Variants in ATP6V0A4 observed in about 807,000 individuals in gnomAD.
ATP6V0A4 encodes the protein ATPase H+ transporting V0 subunit a4, also known as V-type proton ATPase 116 kDa subunit a 4.
Under a neutral mutation model 107.3 loss-of-function variants are expected in ATP6V0A4, and 86 were observed. The ratio of observed to expected loss-of-function variants is 0.80; its 90% CI spans 0.67 to 0.96. The LOEUF is 0.96. ATP6V0A4 is among the 40% of genes least tolerant of loss of function. ATP6V0A4 has a pLI of 0.00. For missense variants in ATP6V0A4, 908 were observed against 1,045.6 expected (o/e 0.87, Z 1.81); for synonymous variants, 353 against 381.4 (o/e 0.93, Z 0.87).
intron 18 of ATP6V0A4, among the ~76,000 whole-genome samples, chr7:138,723,938 G>A (rs1339333031): frequency 2.0e-5 from 3 of 150,514 alleles, no homozygotes; most frequent in African/African-American, 7.4e-5. Context: ...TATACATCAA[G>A]CCAACAAATT....
intron 1 of ATP6V0A4, among the ~76,000 whole-genome samples, chr7:138,788,601 C>G (rs1808266829): frequency 1.3e-5 from 2 of 152,202 alleles, no homozygotes; most frequent in Non-Finnish European, 2.9e-5. Context: ...TAATATCCTA[C>G]TTTCCTTATA....
At chr7:138,794,553 C>T (rs1379444326) in intron 1 of ATP6V0A4, among the ~76,000 whole-genome samples, 1 of 152,150 alleles carries the variant, frequency 6.6e-6, no homozygotes. Flanking sequence ...GAATCCCACT[C>T]TCTTGGCTAC....
chr7:138,751,642 G>A (rs891727274), intron 11 of ATP6V0A4, among the ~76,000 whole-genome samples: 5 of 151,856 alleles, frequency 3.3e-5, no homozygotes, highest in Non-Finnish European at 7.4e-5. Context: ...CAGTGTGTAA[G>A]CCCTAGATCC....
At chr7:138,716,004 G>A (rs1418371148) in intron 19 of ATP6V0A4, 123 bp from the exon 20 acceptor site, 7 of 1,337,976 alleles carry the variant, frequency 5.2e-6, no homozygotes, top group African/African-American at 1.5e-5. Context: ...CTAACTAGGG[G>A]AAAAGAAATA....
intron 1 of ATP6V0A4, among the ~76,000 whole-genome samples, chr7:138,790,824 T>C (rs1808376975): frequency 6.6e-6 from 1 of 152,222 alleles, no homozygotes; most frequent in South Asian, 2.1e-4. Context: ...AATGACATGA[T>C]AGCAGATTTG....
chr7:138,795,416 G>T (rs1315641960), intron 1 of ATP6V0A4, among the ~76,000 whole-genome samples: 1 of 152,128 alleles, frequency 6.6e-6, no homozygotes, highest in Non-Finnish European at 1.5e-5. Flanking sequence ...TTAGGCTGCA[G>T]ATGCTGTTCA....
Position 138,739,767 on chromosome 7 carries a change from T to C in ATP6V0A4, c.1479-134A>G, listed in dbSNP as rs75954102. 1,286 of 1,430,372 alleles carry C rather than the reference T, an allele frequency of 9.0e-4. 11 individuals carry two copies. In the African/African-American group the frequency reaches 0.016, roughly 18 times the overall value. The allele number at this position is 1,430,372 out of a possible 1,614,324, so 88.6% of individuals were successfully genotyped here. A position where few individuals can be genotyped will look rare whatever the true frequency, so the allele number is the denominator to read the frequency against. ...ATTCATCACTTTGGTTGGTTCAATA[T>C]CTACTACACATCAAGTATTGTCCTA... is the stretch of plus-strand genomic sequence containing the variant. On this transcript the variant is annotated intron_variant, in intron 14 of 21. Transcript: ENST00000310018.
At chr7:138,761,775 G>T (rs1386742167) in intron 7 of ATP6V0A4, among the ~76,000 whole-genome samples, 1 of 152,064 alleles carries the variant, frequency 6.6e-6, no homozygotes, top group Non-Finnish European at 1.5e-5. Flanking sequence ...TACCTCCAGG[G>T]TTCAAGCGAT....
intron 1 of ATP6V0A4, among the ~76,000 whole-genome samples, chr7:138,793,821 C>T (rs1478080560): frequency 1.3e-5 from 2 of 152,160 alleles, no homozygotes; most frequent in Non-Finnish European, 2.9e-5. Flanking sequence ...GAGGAAGGAC[C>T]TCCTTTGTGT....
intron 4 of ATP6V0A4, 94 bp downstream of exon 4, chr7:138,769,079 A>G (rs973423444): frequency 6.2e-5 from 99 of 1,593,664 alleles, no homozygotes; most frequent in Admixed American, 4.1e-4. Context: ...TATTGCAAAT[A>G]GGGACACATT....
At chr7:138,761,880 A>G (rs1351354618) in intron 7 of ATP6V0A4, among the ~76,000 whole-genome samples, 4 of 151,874 alleles carry the variant, frequency 2.6e-5, no homozygotes, top group African/African-American at 7.3e-5. Flanking sequence ...GGGTTTCACT[A>G]TGTTGCCCAG....
chr7:138,709,568 C>T lies in ATP6V0A4; in HGVS notation c.2429+56G>A. On this transcript the variant is annotated intron_variant, in intron 21 of 21. Coordinates refer to ENST00000310018, the MANE Select transcript of ATP6V0A4 (RefSeq NM_020632.3). ...ATCTGAACCCAGTCGGCTGGCCCCA[C>T]AGCCCACTCCCTTTCCCAACACCAC... is the stretch of plus-strand genomic sequence containing the variant. The T allele has an allele frequency of 6.4e-6, 10 of 1,567,532 alleles. No homozygotes were observed. In the South Asian group the frequency reaches 1.0e-4, roughly 16 times the overall value.
chr7:138,757,522 A>T (rs1258306579), intron 8 of ATP6V0A4, among the ~76,000 whole-genome samples: 3 of 152,144 alleles, frequency 2.0e-5, no homozygotes, highest in Non-Finnish European at 4.4e-5. Context: ...TCTCAAAAAA[A>T]AACCCCAAAA....
intron 17 of ATP6V0A4, among the ~76,000 whole-genome samples, chr7:138,730,385 T>TGTGTGTGTGTGG (rs1246692093): frequency 7.0e-6 from 1 of 142,198 alleles, no homozygotes; most frequent in African/African-American, 2.6e-5. Context: ...TGTGTGTGTG[T>TGTGTGTGTGTGG]GGCTATCCTT....
chr7:138,755,862 G>A lies in ATP6V0A4; in HGVS notation c.723-80C>T, dbSNP rs296911. ...GCATCCCCTTTTCTGCTAAGACATCGTTTGCTGACTTTAGTTAGATGGCCA... is the reference window on the plus strand; with the variant it reads ...GCATCCCCTTTTCTGCTAAGACATCATTTGCTGACTTTAGTTAGATGGCCA... On this transcript the variant is annotated intron_variant, in intron 9 of 21. Coordinates refer to ENST00000310018, the MANE Select transcript of ATP6V0A4 (RefSeq NM_020632.3). 406,313 of 1,566,928 alleles carry A rather than the reference G, an allele frequency of 0.26. 54,638 individuals are homozygous for A. The highest frequency in any genetic ancestry group is 0.32 in the Admixed American group (17,234 of 53,870).
intron 12 of ATP6V0A4, among the ~76,000 whole-genome samples, chr7:138,748,465 G>C (rs1584923005): frequency 6.6e-6 from 1 of 152,250 alleles, no homozygotes; most frequent in East Asian, 1.9e-4. Context: ...GGAGTGCAGT[G>C]GTGCAGTCTC....
chr7:138,794,380 G>A (rs1808557432), intron 1 of ATP6V0A4, among the ~76,000 whole-genome samples: 1 of 152,136 alleles, frequency 6.6e-6, no homozygotes, highest in African/African-American at 2.4e-5. Context: ...AGAATCACAA[G>A]AGAAGCTTCA....
intron 14 of ATP6V0A4, 150 bp downstream of exon 14, chr7:138,744,973 G>T: frequency 1.3e-6 from 1 of 778,162 alleles, no homozygotes; most frequent in Non-Finnish European, 2.2e-6. Flanking sequence ...AGAGCACTGG[G>T]ATTACAGGCA....
chr7:138,711,051 C>G (rs910698007), intron 20 of ATP6V0A4, among the ~76,000 whole-genome samples: 2 of 152,152 alleles, frequency 1.3e-5, no homozygotes, highest in Non-Finnish European at 2.9e-5. Flanking sequence ...ACAGCCCCCT[C>G]TGGCCTGTTC....
Sources: gnomAD v4.1 joint callset for allele counts (sites outside exome capture counted in the v4.1 genomes callset) on GRCh38, gnomAD v4.1.1 for gene constraint, MANE v1.5 for transcripts, NCBI Gene and HGNC (gene_info 2026-07-23, HGNC 2026-07-21) for gene names.